TAOK1: variants seen among roughly 807,000 people sequenced by gnomAD.
TAOK1 encodes serine/threonine-protein kinase TAO1.
In TAOK1, 21 loss-of-function variants were observed where a neutral mutation model predicts 138.3. That is an observed-to-expected ratio of 0.15 (90% confidence interval 0.11 to 0.22). The LOEUF (loss-of-function observed/expected upper bound fraction) is 0.22. Ranked by LOEUF, TAOK1 falls within the 10% of genes least tolerant of loss-of-function variation. The pLI is 1.00. For missense variants in TAOK1, 651 were observed against 1,227.7 expected, an observed-to-expected ratio of 0.53 and a Z score of 7.02; for synonymous variants, 361 against 398.4, an observed-to-expected ratio of 0.91 and a Z score of 1.12.
chr17:29,516,099 T>C (rs2031808624), intron 15 of TAOK1, among the ~76,000 whole-genome samples: 1 of 144,066 alleles, frequency 6.9e-6, no homozygotes, highest in African/African-American at 2.6e-5. Context: ...GTAGCTGGGA[T>C]TGCAAGCCTG....
chr17:29,507,755 T>G (rs2031652558), intron 13 of TAOK1, 141 bp from the exon 14 acceptor site: 1 of 740,998 alleles, frequency 1.3e-6, no homozygotes, highest in East Asian at 2.7e-5. Context: ...TTAAAAGACT[T>G]GTTGGAAATT....
At chr17:29,508,330 T>C (rs1337722928) in intron 14 of TAOK1, among the ~76,000 whole-genome samples, 198 bp downstream of exon 14, 1 of 152,204 alleles carries the variant, frequency 6.6e-6, no homozygotes, top group Non-Finnish European at 1.5e-5. Flanking sequence ...GTGTTTTATC[T>C]CTCACTAATT....
At chr17:29,489,150 T>C (rs1358526771) in intron 8 of TAOK1, among the ~76,000 whole-genome samples, 1 of 152,148 alleles carries the variant, frequency 6.6e-6, no homozygotes, top group African/African-American at 2.4e-5. Flanking sequence ...CAAGTATATA[T>C]TAAGTATGGT....
At chr17:29,447,658 TA>T (rs201284071) in intron 1 of TAOK1, among the ~76,000 whole-genome samples, 9 of 150,750 alleles carry the variant, frequency 6.0e-5, no homozygotes, top group Non-Finnish European at 8.9e-5. Context: ...TATTTTATTT[TA>T]TTTTTTTTTT....
intron 17 of TAOK1, 47 bp downstream of exon 17, chr17:29,522,566 G>T (rs1713456374): frequency 3.1e-6 from 5 of 1,604,852 alleles, no homozygotes; most frequent in South Asian, 1.1e-5. Context: ...GAATGAAAAG[G>T]TATCCATGTA....
intron 7 of TAOK1, among the ~76,000 whole-genome samples, chr17:29,481,366 G>GT (rs1240109060): frequency 6.6e-6 from 1 of 151,620 alleles, no homozygotes; most frequent in Non-Finnish European, 1.5e-5. Flanking sequence ...GCTAATTTTT[G>GT]TATTTTTAGT....
intron 16 of TAOK1, among the ~76,000 whole-genome samples, chr17:29,518,205 G>A (rs2031852873): frequency 6.6e-6 from 1 of 152,122 alleles, no homozygotes; most frequent in Non-Finnish European, 1.5e-5. Context: ...TTTGCAGCCA[G>A]GTATGGTAAC....
At chr17:29,417,397 T>A (rs1379202909) in intron 1 of TAOK1, among the ~76,000 whole-genome samples, 1 of 152,240 alleles carries the variant, frequency 6.6e-6, no homozygotes, top group Admixed American at 6.5e-5. Flanking sequence ...TAAGCCCTTA[T>A]TAGATGTAGG....
chr17:29,399,920 C>G (rs924960463), intron 1 of TAOK1, among the ~76,000 whole-genome samples: 12 of 151,816 alleles, frequency 7.9e-5, no homozygotes, highest in Non-Finnish European at 1.5e-5. Context: ...TTAGTACAGA[C>G]GAGATCTCAC....
At chr17:29,461,125 A>G (rs1157840490) in intron 2 of TAOK1, among the ~76,000 whole-genome samples, 2 of 152,160 alleles carry the variant, frequency 1.3e-5, no homozygotes, top group Non-Finnish European at 2.9e-5. Context: ...AGATATCTGG[A>G]GCTGGTTTAG....
chr17:29,420,709 C>G (rs1482784897), intron 1 of TAOK1, among the ~76,000 whole-genome samples: 1 of 151,412 alleles, frequency 6.6e-6, no homozygotes, highest in East Asian at 2.0e-4. Context: ...CTTCAGCCTC[C>G]CGAGTAGCTG....
At chr17:29,518,876 C>T (rs2031867189) in intron 16 of TAOK1, among the ~76,000 whole-genome samples, 1 of 152,088 alleles carries the variant, frequency 6.6e-6, no homozygotes, top group Non-Finnish European at 1.5e-5. Flanking sequence ...AAGCAATTCT[C>T]CTGCCTCAGC....
rs1354077961 is a variant in TAOK1, at chr17:29,475,730, A to G, written c.265A>G (p.Ile89Val). Residue 89 changes from isoleucine to valine, a missense_variant, in exon 4 of 20, where the codon ATA becomes GTA. Physicochemically the swap from Ile to Val is conservative, Grantham distance 29 (BLOSUM62 3). Around this residue, in one of 8 missense-constraint regions of TAOK1, gnomAD observed 116 missense variants for 213.9 expected, o/e 0.54. Coordinates refer to ENST00000261716, the MANE Select transcript of TAOK1 (RefSeq NM_020791.4). ...FLQRIKHPNS[I>V]EYKGCYLREH... ...ACAAAGAATAAAACATCCCAACAGT[A>G]TAGAATACAAAGGCTGTTATTTACG... 6.2e-7 allele frequency: 1 copy of G among 1,613,340 alleles called. No individual in the cohort carries two copies. Among genetic ancestry groups the G allele is most frequent in the Non-Finnish European group, 8.5e-7 (1 of 1,179,762 alleles).
At chr17:29,492,785 C>T (rs564674308) in intron 10 of TAOK1, among the ~76,000 whole-genome samples, 25 of 151,692 alleles carry the variant, frequency 1.6e-4, no homozygotes, top group Non-Finnish European at 2.9e-4. Context: ...AGGGCGAAAC[C>T]CCTTCTCAAA....
intron 1 of TAOK1, among the ~76,000 whole-genome samples, chr17:29,407,774 G>A (rs537984571): frequency 2.6e-5 from 4 of 152,264 alleles, no homozygotes; most frequent in East Asian, 1.9e-4. Context: ...TTGAAGACAC[G>A]TTGGGGTGAA....
chr17:29,536,761 G>A (rs1417925668), intron 19 of TAOK1, among the ~76,000 whole-genome samples: 10 of 144,658 alleles, frequency 6.9e-5, no homozygotes, highest in African/African-American at 1.3e-4. Context: ...GTGCAGTGGC[G>A]TGATCTCTGC....
At chr17:29,486,882 A>T (rs888951041) in intron 8 of TAOK1, among the ~76,000 whole-genome samples, 3 of 152,216 alleles carry the variant, frequency 2.0e-5, no homozygotes, top group Non-Finnish European at 4.4e-5. Context: ...AAAGGAGGGC[A>T]TCTGTTTAAG....
intron 15 of TAOK1, among the ~76,000 whole-genome samples, chr17:29,516,452 A>G (rs2031815827): frequency 6.6e-6 from 1 of 150,380 alleles, no homozygotes. Flanking sequence ...CTCCTGCCTC[A>G]GCCTCCCAAG....
intron 13 of TAOK1, among the ~76,000 whole-genome samples, chr17:29,506,870 G>A (rs1246795375): frequency 6.6e-6 from 1 of 152,044 alleles, no homozygotes; most frequent in African/African-American, 2.4e-5. Context: ...ATGGATGAGT[G>A]GATAAACAAA....
Sources: gnomAD v4.1 joint callset for allele counts (sites outside exome capture counted in the v4.1 genomes callset) on GRCh38, gnomAD v4.1.1 for gene constraint, gnomAD v4.1.1 regional missense constraint, MANE v1.5 for transcripts, NCBI Gene and HGNC (gene_info 2026-07-23, HGNC 2026-07-21) for gene names.